NPAS3: variants seen among roughly 807,000 people sequenced by gnomAD.
NPAS3 encodes the protein neuronal PAS domain protein 3.
In NPAS3, 14 loss-of-function variants were observed where a neutral mutation model predicts 73.1. The observed-to-expected ratio is 0.19, with a 90% CI of 0.13 to 0.30. NPAS3 has a LOEUF of 0.30. Among genes scored for constraint, NPAS3 ranks in the 10% least tolerant of loss-of-function variants. NPAS3 has a pLI of 1.00. For missense variants in NPAS3, 1,096 were observed against 1,250.0 expected, an observed-to-expected ratio of 0.88 and a Z score of 1.86; for synonymous variants, 620 against 541.5, an observed-to-expected ratio of 1.14 and a Z score of -2.01.
rs139552609 is a variant in NPAS3, at chr14:33,068,879, G to A, written c.140+12885G>A. 1.4e-4 allele frequency among the ~76,000 whole-genome samples: 22 copies of A among 152,250 alleles called. No individual in the cohort carries two copies. The Middle Eastern group carries it at 0.01, about 71-fold the overall frequency. On this transcript the variant is annotated intron_variant, in intron 2 of 11. Transcript: ENST00000356141. The stretch of plus-strand genomic sequence containing the variant: ...GCACACCAGGGAGGCCAGTGTGGTG[G>A]GGGCTGAATGAGCAAGGAGGACAGT...
intron 1 of NPAS3, among the ~76,000 whole-genome samples, chr14:33,045,490 G>A (rs1032015525): frequency 6.6e-6 from 1 of 152,194 alleles, no homozygotes; most frequent in African/African-American, 2.4e-5. Context: ...TAAGTGACCA[G>A]AAGCCTCTTA....
At chr14:33,344,281 T>C (rs993143397) in intron 3 of NPAS3, among the ~76,000 whole-genome samples, 1 of 152,232 alleles carries the variant, frequency 6.6e-6, no homozygotes, top group African/African-American at 2.4e-5. Context: ...TTCAGTTTCA[T>C]GTGTAAAGAT....
At chr14:33,297,203 A>G (rs1455110313) in intron 3 of NPAS3, among the ~76,000 whole-genome samples, 1 of 137,704 alleles carries the variant, frequency 7.3e-6, no homozygotes, top group African/African-American at 2.8e-5. Context: ...TGGGAATGTT[A>G]TCTGAGCAAA....
At chr14:33,191,970 A>C (rs1185070232) in intron 2 of NPAS3, among the ~76,000 whole-genome samples, 1 of 152,202 alleles carries the variant, frequency 6.6e-6, no homozygotes, top group Non-Finnish European at 1.5e-5. Flanking sequence ...GGTTTTTTTA[A>C]AAACAGTAAT....
chr14:33,309,932 C>A lies in NPAS3; in HGVS notation c.386-57254C>A, dbSNP rs189461035. On this transcript the variant is annotated intron_variant, in intron 3 of 11. Coordinates refer to ENST00000356141, the Ensembl canonical transcript of NPAS3. ...CAGAGGGAGGAGGGTCCCTCTAGCA[C>A]CCATACTTCCTGCTGGAATGTTGGG... is the stretch of plus-strand genomic sequence containing the variant. Among the ~76,000 whole-genome samples, 72 of 152,222 alleles carry A rather than the reference C, an allele frequency of 4.7e-4. 1 individual carries two copies.
chr14:33,686,928 G>A (rs937952342), intron 6 of NPAS3, among the ~76,000 whole-genome samples: 2 of 152,132 alleles, frequency 1.3e-5, no homozygotes, highest in African/African-American at 4.8e-5. Flanking sequence ...TTATAAAAAT[G>A]TACAGGATGG....
chr14:33,678,178 C>G (rs2059822145), intron 6 of NPAS3, among the ~76,000 whole-genome samples: 1 of 152,174 alleles, frequency 6.6e-6, no homozygotes, highest in South Asian at 2.1e-4. Context: ...AGCAGGCAGC[C>G]TTTCCAGTCT....
chr14:33,565,955 C>T (rs1013068605), intron 5 of NPAS3, among the ~76,000 whole-genome samples: 2 of 151,994 alleles, frequency 1.3e-5, no homozygotes, highest in African/African-American at 4.8e-5. Context: ...CCTGCCACCC[C>T]AACCAGCAAG....
intron 5 of NPAS3, among the ~76,000 whole-genome samples, chr14:33,599,828 T>C (rs1240029957): frequency 6.6e-6 from 1 of 152,148 alleles, no homozygotes; most frequent in African/African-American, 2.4e-5. Context: ...TAGTTAATTT[T>C]GGAACTCATA....
intron 5 of NPAS3, among the ~76,000 whole-genome samples, chr14:33,638,589 G>A (rs771361426): frequency 2.0e-5 from 3 of 152,208 alleles, no homozygotes; most frequent in Non-Finnish European, 1.5e-5. Context: ...AACACACTAA[G>A]TGCTCAATAG....
intron 1 of NPAS3, among the ~76,000 whole-genome samples, chr14:33,025,342 G>C (rs1413858806): frequency 6.6e-6 from 1 of 152,202 alleles, no homozygotes; most frequent in African/African-American, 2.4e-5. Context: ...TTGCTGGCTT[G>C]TTGCCAGAAT....
At chr14:33,235,335 G>A (rs996867837) in intron 3 of NPAS3, among the ~76,000 whole-genome samples, 9 of 151,910 alleles carry the variant, frequency 5.9e-5, no homozygotes, top group African/African-American at 1.5e-4. Flanking sequence ...TGGTCTTTTT[G>A]TTCACTGAAA....
At chr14:33,282,146 C>T (rs936244388) in intron 3 of NPAS3, among the ~76,000 whole-genome samples, 4 of 152,142 alleles carry the variant, frequency 2.6e-5, no homozygotes, top group Admixed American at 1.3e-4. Context: ...AGCTTACTCA[C>T]GATTTAAAAA....
At chr14:33,046,904 G>A (rs1036797961) in intron 1 of NPAS3, among the ~76,000 whole-genome samples, 1 of 152,164 alleles carries the variant, frequency 6.6e-6, no homozygotes. Flanking sequence ...AACCTGGGAG[G>A]CGGAGGTTGC....
At chr14:33,011,434 A>C (rs1361552202) in intron 1 of NPAS3, among the ~76,000 whole-genome samples, 1 of 152,184 alleles carries the variant, frequency 6.6e-6, no homozygotes, top group Non-Finnish European at 1.5e-5. Context: ...CCAGCAGGTC[A>C]CTTAATGTGC....
At chr14:33,751,749 G>T (rs2061969482) in intron 7 of NPAS3, among the ~76,000 whole-genome samples, 1 of 151,858 alleles carries the variant, frequency 6.6e-6, no homozygotes, top group African/African-American at 2.4e-5. Flanking sequence ...TCTGATTTTG[G>T]TTGACTATTC....
chr14:33,147,754 T>TATATATATATATATATATATATATATAC (rs368950295), intron 2 of NPAS3, among the ~76,000 whole-genome samples: 1 of 142,444 alleles, frequency 7.0e-6, no homozygotes, highest in African/African-American at 2.7e-5. Context: ...TATATATATA[T>TATATATATATATATATATATATATATAC]ACACACAAAA....
At chr14:33,712,499 G>A (rs2060846764) in intron 6 of NPAS3, among the ~76,000 whole-genome samples, 1 of 152,176 alleles carries the variant, frequency 6.6e-6, no homozygotes, top group Non-Finnish European at 1.5e-5. Flanking sequence ...CCTGCACCTT[G>A]AGCAAATGCA....
chr14:33,243,907 T>G (rs575906434), intron 3 of NPAS3, among the ~76,000 whole-genome samples: 1 of 152,176 alleles, frequency 6.6e-6, no homozygotes, highest in Non-Finnish European at 1.5e-5. Context: ...ATCATTAATG[T>G]TCTCTAAAGG....
Sources: allele counts gnomAD v4.1 joint callset (sites outside exome capture counted in the v4.1 genomes callset), GRCh38; gene constraint gnomAD v4.1.1; transcripts MANE v1.5; gene names NCBI Gene and HGNC (gene_info 2026-07-23, HGNC 2026-07-21).